GAK: variants seen among roughly 807,000 people sequenced by gnomAD.
The protein encoded by GAK is cyclin-G-associated kinase.
Under a neutral mutation model 143.9 loss-of-function variants are expected in GAK, and 79 were observed. That is an observed-to-expected ratio of 0.55 (90% CI 0.46 to 0.66). The LOEUF is 0.66. Ranked by LOEUF, GAK falls within the 30% of genes least tolerant of loss-of-function variation. GAK has a pLI of 0.00. For synonymous variants in GAK, 881 were observed against 765.5 expected, an observed-to-expected ratio of 1.15 and a Z score of -2.49; for missense variants, 1,693 against 1,779.7, an observed-to-expected ratio of 0.95 and a Z score of 0.88.
At chr4:894,990 TAAATAAATAAATAAATAAATAAATA>T (rs944270333) in intron 7 of GAK, among the ~76,000 whole-genome samples, 9 of 86,346 alleles carry the variant, frequency 1.0e-4, no homozygotes, top group Admixed American at 3.2e-4. Context: ...AATAAATAAA[TAAATAAATAAATAAATAAATAAATA>T]AAGGTTCCTT....
At position 852,054 on chromosome 4, in the gene GAK, G is replaced by A. The variant is rs569597016; in HGVS notation, c.3284-80C>T. The A allele has an allele frequency of 2.3e-5, 27 of 1,199,460 alleles. No individual in the cohort carries two copies. In the African/African-American group the frequency reaches 2.7e-4, roughly 12 times the overall value. 74.3% of individuals were successfully genotyped at this position (1,199,460 alleles called of 1,614,324 possible). On this transcript the variant is annotated intron_variant, in intron 24 of 27. Transcript: ENST00000314167. The stretch of plus-strand genomic sequence containing the variant: ...CTGTTTCTATAACGCAGAGCACCAC[G>A]TATATTGGAAAACATGCGCTTGCAA...
At chr4:891,768 T>TG (rs1339228090) in intron 9 of GAK, among the ~76,000 whole-genome samples, 2 of 152,018 alleles carry the variant, frequency 1.3e-5, no homozygotes, top group African/African-American at 4.8e-5. Context: ...GCATTTTCTG[T>TG]AAAGAGCCAC....
intron 1 of GAK, among the ~76,000 whole-genome samples, chr4:914,618 C>T (rs1321788774): frequency 1.7e-5 from 2 of 114,526 alleles, no homozygotes; most frequent in South Asian, 3.3e-4. Flanking sequence ...CCAGCGTACA[C>T]GGCCCCCCGC....
At chr4:851,642 C>T in intron 25 of GAK, 108 bp downstream of exon 25, 1 of 1,199,494 alleles carries the variant, frequency 8.3e-7, no homozygotes, top group Non-Finnish European at 1.2e-6. Flanking sequence ...TTGGCCGTGC[C>T]TGTCCCAGGA....
intron 10 of GAK, 72 bp downstream of exon 10, chr4:890,460 C>T (rs1456235227): frequency 4.4e-5 from 52 of 1,185,166 alleles, no homozygotes; most frequent in Non-Finnish European, 5.0e-5. Flanking sequence ...AGACTCCATC[C>T]CAATGTGCTG....
At chr4:893,522 G>C in intron 8 of GAK, 33 bp from the exon 9 acceptor site, 1 of 1,468,634 alleles carries the variant, frequency 6.8e-7, no homozygotes. Context: ...TCGGCCCCAC[G>C]GTTCCCCAGG....
chr4:863,187 C>CA (rs1463165162), intron 23 of GAK, among the ~76,000 whole-genome samples: 1 of 152,216 alleles, frequency 6.6e-6, no homozygotes, highest in Non-Finnish European at 1.5e-5. Flanking sequence ...GACTTCAGTG[C>CA]AGGAAGTCTC....
chr4:915,091 C>A (rs1340531010), intron 1 of GAK, among the ~76,000 whole-genome samples: 2 of 141,914 alleles, frequency 1.4e-5, no homozygotes, highest in African/African-American at 5.3e-5. Context: ...CCCACACACA[C>A]AGCCCCAGCG....
At chr4:881,843 C>CG (rs1715176601) in intron 15 of GAK, 64 bp downstream of exon 15, 3 of 1,500,386 alleles carry the variant, frequency 2.0e-6, no homozygotes, top group African/African-American at 2.8e-5. Context: ...GACACCACAG[C>CG]GGGGGCGGCA....
At chr4:904,456 G>C (rs937127402) in intron 5 of GAK, among the ~76,000 whole-genome samples, 181 bp downstream of exon 5, 3 of 150,830 alleles carry the variant, frequency 2.0e-5, no homozygotes, top group African/African-American at 7.4e-5. Flanking sequence ...GCACACAGAG[G>C]CCTCAGCAGC....
At chr4:905,637 C>T (rs568227653) in intron 4 of GAK, among the ~76,000 whole-genome samples, 19 of 151,756 alleles carry the variant, frequency 1.3e-4, no homozygotes, top group Admixed American at 3.9e-4. Flanking sequence ...GACTCTGCCA[C>T]GCCCCAGGCC....
At chr4:926,433 C>T (rs894017679) in intron 1 of GAK, among the ~76,000 whole-genome samples, 10 of 152,198 alleles carry the variant, frequency 6.6e-5, no homozygotes, top group African/African-American at 2.2e-4. Flanking sequence ...CCCTGGGGCT[C>T]CCAGCCCCCA....
At chr4:899,871 C>T (rs1025862133) in intron 5 of GAK, among the ~76,000 whole-genome samples, 8 of 152,226 alleles carry the variant, frequency 5.3e-5, no homozygotes, top group Non-Finnish European at 1.0e-4. Context: ...ACACACATGC[C>T]ACCCATGGCC....
In GAK at chr4:888,990, C is replaced by CA. The variant is rs1336253719; in HGVS notation, c.1082-21dup. Reference sequence around the variant, plus strand: ...CCAGGCCTGCAGGGAGACACAGTCTCAGCAGGCCCCAGGTGCTCGGTCCCA... The same window carrying CA: ...CCAGGCCTGCAGGGAGACACAGTCTCAAGCAGGCCCCAGGTGCTCGGTCCCA... On this transcript the variant is annotated intron_variant, in intron 10 of 27. Transcript: ENST00000314167. 1 of 1,604,438 alleles carries CA rather than the reference C, an allele frequency of 6.2e-7. No homozygotes were observed. Among genetic ancestry groups the CA allele is most frequent in the South Asian group, 1.1e-5 (1 of 90,260 alleles).
At chr4:890,695 C>T (rs541351694) in intron 9 of GAK, 73 bp from the exon 10 acceptor site, 65 of 1,249,582 alleles carry the variant, frequency 5.2e-5, no homozygotes, top group East Asian at 7.4e-5. Flanking sequence ...GGCAGAGGTA[C>T]GGTATGGGTG....
chr4:912,910 C>CTG, intron 2 of GAK, 116 bp from the exon 3 acceptor site: 8 of 741,206 alleles, frequency 1.1e-5, no homozygotes, highest in Admixed American at 5.0e-5. Context: ...TCTAATACAG[C>CTG]TCCCCCCGTT....
At chr4:922,798 CTT>C (rs989887628) in intron 1 of GAK, among the ~76,000 whole-genome samples, 3 of 152,224 alleles carry the variant, frequency 2.0e-5, no homozygotes, top group Non-Finnish European at 2.9e-5. Context: ...CAACTGCACT[CTT>C]AAACATTTAT....
At chr4:885,243 G>C (rs1331753680) in intron 11 of GAK, among the ~76,000 whole-genome samples, 2 of 152,216 alleles carry the variant, frequency 1.3e-5, no homozygotes, top group Non-Finnish European at 2.9e-5. Context: ...GCCACACAAA[G>C]CATGGCTACT....
chr4:907,014 C>T (rs1721193446), intron 4 of GAK, among the ~76,000 whole-genome samples: 1 of 152,244 alleles, frequency 6.6e-6, no homozygotes, highest in Admixed American at 6.5e-5. Flanking sequence ...CTTCGAGCCA[C>T]CCAACCACCT....
Sources: gnomAD v4.1 joint callset for allele counts (sites outside exome capture counted in the v4.1 genomes callset) on GRCh38, gnomAD v4.1.1 for gene constraint, MANE v1.5 for transcripts, NCBI Gene and HGNC (gene_info 2026-07-23, HGNC 2026-07-21) for gene names.